The following THEMIS variants were observed in gnomAD, a reference collection of about 807,000 sequenced individuals.
THEMIS encodes the protein protein THEMIS.
In THEMIS, 37 loss-of-function variants were observed where a neutral mutation model predicts 52.6. The observed-to-expected ratio is 0.70, with a 90% CI of 0.54 to 0.93. THEMIS has a LOEUF of 0.93. Among genes scored for constraint, THEMIS ranks in the 40% least tolerant of loss-of-function variants. The probability of loss-of-function intolerance (pLI) is 0.00; values close to 1 mark genes in which losing one functional copy is unlikely to be tolerated. For synonymous variants in THEMIS, 292 were observed against 272.7 expected (o/e 1.07, Z -0.70); for missense variants, 808 against 763.1 (o/e 1.06, Z -0.69).
At chr6:127,782,233 C>T (rs895149268) in intron 4 of THEMIS, among the ~76,000 whole-genome samples, 12 of 152,268 alleles carry the variant, frequency 7.9e-5, no homozygotes, top group Middle Eastern at 3.4e-3. Flanking sequence ...CCTTTTTGGG[C>T]TCCATGGGGG....
chr6:127,819,566 G>A (rs1346003662), intron 3 of THEMIS, among the ~76,000 whole-genome samples: 1 of 152,104 alleles, frequency 6.6e-6, no homozygotes, highest in East Asian at 1.9e-4. Flanking sequence ...ATCTATAGAG[G>A]AAAAACACAA....
At chr6:127,907,627 C>G (rs575064005) in intron 1 of THEMIS, among the ~76,000 whole-genome samples, 6 of 151,608 alleles carry the variant, frequency 4.0e-5, no homozygotes, top group African/African-American at 1.5e-4. Context: ...AGGCAGTTGT[C>G]TCAGCTAAAT....
chr6:127,816,441 T>C (rs879223719), intron 3 of THEMIS, among the ~76,000 whole-genome samples: 7 of 152,206 alleles, frequency 4.6e-5, no homozygotes, highest in Admixed American at 3.9e-4. Flanking sequence ...AAAATTAACA[T>C]GCTTAAACTG....
chr6:127,806,086 T>C (rs1281176285), intron 4 of THEMIS, among the ~76,000 whole-genome samples: 1 of 152,106 alleles, frequency 6.6e-6, no homozygotes, highest in African/African-American at 2.4e-5. Context: ...TATAGGAAAT[T>C]GGCAATTCAA....
intron 4 of THEMIS, among the ~76,000 whole-genome samples, chr6:127,785,441 T>C (rs943682599): frequency 3.3e-5 from 5 of 151,444 alleles, no homozygotes; most frequent in African/African-American, 9.7e-5. Context: ...GTTGTGCACA[T>C]GTACCCTAAA....
chr6:127,730,313 A>G lies in THEMIS; in HGVS notation c.1759-10490T>C, dbSNP rs1280273761. 2.1e-5 allele frequency among the ~76,000 whole-genome samples: 3 copies of G among 139,710 alleles called. No homozygotes were observed. The East Asian group carries it at 6.4e-4, about 30-fold the overall frequency. The allele number at this position is 139,710 out of a possible 152,430, so 91.7% of individuals were successfully genotyped here. On this transcript the variant is annotated intron_variant, in intron 4 of 5. Transcript: ENST00000368248. ...AAAGAAAAGAAAAGAAAAGAAAAGA[A>G]AAGAGAAAAAAAGAAAAGAAAAGAA...
chr6:127,787,745 A>G (rs1777001447), intron 4 of THEMIS, among the ~76,000 whole-genome samples: 1 of 152,116 alleles, frequency 6.6e-6, no homozygotes, highest in South Asian at 2.1e-4. Context: ...TGTATTATCT[A>G]AAATTAAGTC....
the THEMIS span, among the ~76,000 whole-genome samples, chr6:127,701,294 G>C: frequency 6.6e-6 from 1 of 152,020 alleles, no homozygotes; most frequent in Middle Eastern, 3.2e-3. Flanking sequence ...GATTCATACA[G>C]TAAATACTAT....
At chr6:127,901,113 G>A (rs1226259934), upstream of THEMIS, 3 of 585,098 alleles carry the variant, frequency 5.1e-6, no homozygotes, top group Middle Eastern at 4.4e-4. Flanking sequence ...GAGGGAGGGG[G>A]GAAGCAGGAG....
chr6:127,749,061 T>A (rs906018140), intron 4 of THEMIS, among the ~76,000 whole-genome samples: 1 of 152,102 alleles, frequency 6.6e-6, no homozygotes, highest in Admixed American at 6.6e-5. Flanking sequence ...CAATTCTTCA[T>A]GAATGGCCTC....
At position 127,880,462 on chromosome 6, in the gene THEMIS, A is replaced by T. The variant is rs564219122; in HGVS notation, c.91+20380T>A. ...TTTAAAAATCAGGGTGGTTTCTGCT[A>T]ATGAACAGTTATTTCTGAACTCACA... On this transcript the variant is annotated intron_variant, in intron 1 of 5. Coordinates refer to ENST00000368248, the MANE Select transcript of THEMIS (RefSeq NM_001010923.3). Among the ~76,000 whole-genome samples the T allele has an allele frequency of 3.3e-5, 5 of 152,052 alleles. No homozygotes were observed. The East Asian group carries it at 9.7e-4, about 29-fold the overall frequency.
intron 4 of THEMIS, among the ~76,000 whole-genome samples, chr6:127,754,416 G>A (rs997707411): frequency 1.3e-5 from 2 of 152,148 alleles, no homozygotes; most frequent in Non-Finnish European, 2.9e-5. Context: ...ATGATACTGT[G>A]ATGGACCCAG....
chr6:127,908,739 G>T (rs1270454272), intron 1 of THEMIS, among the ~76,000 whole-genome samples: 1 of 152,002 alleles, frequency 6.6e-6, no homozygotes, highest in Admixed American at 6.6e-5. Context: ...TATAGCATTT[G>T]TGAAAAGCTT....
At chr6:127,893,379 T>C (rs1265741752) in intron 1 of THEMIS, among the ~76,000 whole-genome samples, 1 of 152,194 alleles carries the variant, frequency 6.6e-6, no homozygotes, top group African/African-American at 2.4e-5. Context: ...TTTTGCTAAA[T>C]TCTTTATATG....
chr6:127,740,573 T>A (rs1042493481), intron 4 of THEMIS, among the ~76,000 whole-genome samples: 1 of 152,198 alleles, frequency 6.6e-6, no homozygotes, highest in Admixed American at 6.5e-5. Context: ...GGTGACCATA[T>A]ATAAGTCCAG....
chr6:127,764,543 C>T (rs1173167460), intron 4 of THEMIS, among the ~76,000 whole-genome samples: 1 of 151,966 alleles, frequency 6.6e-6, no homozygotes, highest in African/African-American at 2.4e-5. Context: ...AAACACCTCT[C>T]CTTATCCACT....
intron 4 of THEMIS, among the ~76,000 whole-genome samples, chr6:127,735,722 C>T (rs1010225344): frequency 1.3e-5 from 2 of 152,130 alleles, no homozygotes; most frequent in Admixed American, 6.6e-5. Flanking sequence ...GGCAGTTCTT[C>T]TGAATTTGCA....
At chr6:127,913,224 C>A (rs1258502700) in intron 1 of THEMIS, among the ~76,000 whole-genome samples, 1 of 152,146 alleles carries the variant, frequency 6.6e-6, no homozygotes, top group East Asian at 1.9e-4. Flanking sequence ...AAAAAAAAGT[C>A]TCTTATACTC....
At chr6:127,751,317 C>T (rs540058645) in intron 4 of THEMIS, among the ~76,000 whole-genome samples, 119 of 151,488 alleles carry the variant, frequency 7.9e-4, no homozygotes, top group Non-Finnish European at 1.1e-3. Flanking sequence ...AGATCTTTTA[C>T]GTAAGTCTCA....
Sources: gnomAD v4.1 joint callset for allele counts (sites outside exome capture counted in the v4.1 genomes callset) on GRCh38, gnomAD v4.1.1 for gene constraint, MANE v1.5 for transcripts, NCBI Gene and HGNC (gene_info 2026-07-23, HGNC 2026-07-21) for gene names.